EDEM3: variants seen among roughly 807,000 people sequenced by gnomAD.
EDEM3 encodes the protein ER degradation enhancing alpha-mannosidase like protein 3, also known as ER degradation-enhancing alpha-mannosidase-like protein 3.
Under a neutral mutation model 110.2 loss-of-function variants are expected in EDEM3, and 60 were observed. That is an observed-to-expected ratio of 0.54 (90% CI 0.44 to 0.67). The LOEUF is 0.67. Ranked by LOEUF, EDEM3 falls within the 30% of genes least tolerant of loss-of-function variation. The pLI, the probability that EDEM3 is intolerant of heterozygous loss-of-function variation, is 0.00. For synonymous variants in EDEM3, 352 were observed against 382.9 expected, an observed-to-expected ratio of 0.92 and a Z score of 0.94; for missense variants, 996 against 1,121.0, an observed-to-expected ratio of 0.89 and a Z score of 1.59.
chr1:184,726,533 CT>C, intron 6 of EDEM3, 144 bp from the exon 7 acceptor site: 1 of 907,248 alleles, frequency 1.1e-6, no homozygotes, highest in Non-Finnish European at 1.6e-6. Context: ...CTGATGATCT[CT>C]GACTTTCCAA....
At position 184,694,096 on chromosome 1, in the gene EDEM3, T is replaced by G; in HGVS notation, c.2766A>C (p.Glu922Asp). 6.2e-7 allele frequency: 1 copy of G among 1,613,080 alleles called. No individual in the cohort carries two copies. Residue 922 changes from glutamate (E) to aspartate (D), a missense_variant, in exon 20 of 20, where the codon GAA becomes GAC. Coordinates refer to ENST00000318130, the MANE Select transcript of EDEM3 (RefSeq NM_025191.4). ...SILADWNEDI[E>D]AFEMMEKDEL is the part of the protein sequence containing the mutation. Reference sequence around the variant, plus strand: ...CATCCTTCTCCATCATTTCAAATGCTTCTATATCTTCATTCCAGTCTGCTA... The same window carrying G: ...CATCCTTCTCCATCATTTCAAATGCGTCTATATCTTCATTCCAGTCTGCTA...
Position 184,723,865 on chromosome 1 carries a change from TAAAAAAAAA to T in EDEM3, c.748-18_748-10del, listed in dbSNP as rs71101940. 3.7e-6 allele frequency: 4 copies of T among 1,090,564 alleles called. No homozygotes were observed. The highest frequency in any genetic ancestry group is 6.6e-5 in the East Asian group (2 of 30,378). 67.6% of individuals were successfully genotyped at this position (1,090,564 alleles called of 1,614,324 possible). The stretch of plus-strand genomic sequence containing the variant: ...GCTTTTCTGGCATATTCCTGTAATT[TAAAAAAAAA>T]AAAAAAAAAAAGAAGTGCATATTTG... On this transcript the variant is annotated splice_polypyrimidine_tract_variant and intron_variant, in intron 7 of 19. Coordinates refer to ENST00000318130, the MANE Select transcript of EDEM3 (RefSeq NM_025191.4).
At chr1:184,730,491 G>A (rs1258950796) in intron 6 of EDEM3, among the ~76,000 whole-genome samples, 2 of 152,170 alleles carry the variant, frequency 1.3e-5, no homozygotes, top group Admixed American at 6.5e-5. Context: ...GGAGGCTGAG[G>A]TGGGAGGATC....
At chr1:184,725,627 T>C (rs1417031254) in intron 7 of EDEM3, among the ~76,000 whole-genome samples, 4 of 151,744 alleles carry the variant, frequency 2.6e-5, no homozygotes, top group African/African-American at 7.3e-5. Context: ...CTGTTTGCCA[T>C]TTGTTGAATT....
rs1652633620 is a variant in EDEM3, at chr1:184,749,553, G to A, written c.198C>T (p.Asn66=). 1 of 1,550,668 alleles carries A rather than the reference G, an allele frequency of 6.4e-7. No individual in the cohort carries two copies. The highest frequency in any genetic ancestry group is 1.9e-5 in the Admixed American group (1 of 51,780). ...AGATAAGCTTCCTACTTACCATATA[G>A]TTACCATAAGCATGATCAAACATTT... ...VLEMFDHAYG[N]YMEHAYPADE... Residue 66 remains asparagine, a synonymous_variant, in exon 2 of 20, where the codon AAC becomes AAT. Transcript: ENST00000318130.
In EDEM3 at chr1:184,693,056, C is replaced by T. The variant is rs752681314; in HGVS notation, c.*1007G>A. 3.6e-4 allele frequency: 56 copies of T among 154,740 alleles called. 1 individual carries two copies. Among genetic ancestry groups the T allele is most frequent in the Non-Finnish European group, 6.5e-4 (44 of 68,180 alleles). 9.6% of individuals were successfully genotyped at this position (154,740 alleles called of 1,614,324 possible). A position where few individuals can be genotyped will look rare whatever the true frequency, so the allele number is the denominator to read the frequency against. Reference sequence around the variant, plus strand: ...CTCACTAACCACAGTTCTATCATGGCTCTGTAAGACAGAAAAATGGAACAA... The same window carrying T: ...CTCACTAACCACAGTTCTATCATGGTTCTGTAAGACAGAAAAATGGAACAA... On this transcript the variant is annotated 3_prime_UTR_variant, in exon 20 of 20. Coordinates refer to ENST00000318130, the MANE Select transcript of EDEM3 (RefSeq NM_025191.4).
At chr1:184,710,314 A>C in intron 16 of EDEM3, 80 bp downstream of exon 16, 2 of 1,489,010 alleles carry the variant, frequency 1.3e-6, no homozygotes, top group Non-Finnish European at 1.8e-6. Flanking sequence ...AGAAAGTTGA[A>C]ATCCATTATC....
intron 2 of EDEM3, 33 bp downstream of exon 2, chr1:184,749,514 T>C (rs1652630567): frequency 6.8e-7 from 1 of 1,472,050 alleles, no homozygotes; most frequent in African/African-American, 1.4e-5. Flanking sequence ...TCAACTCACA[T>C]AAATGGTAGG....
intron 5 of EDEM3, among the ~76,000 whole-genome samples, chr1:184,734,276 C>A (rs1162276864): frequency 6.6e-6 from 1 of 152,142 alleles, no homozygotes; most frequent in African/African-American, 2.4e-5. Flanking sequence ...CGGGACCAGC[C>A]TGGCCATCAT....
chr1:184,698,540 T>C (rs1351126070), intron 19 of EDEM3, among the ~76,000 whole-genome samples: 1 of 151,888 alleles, frequency 6.6e-6, no homozygotes, highest in Admixed American at 6.6e-5. Flanking sequence ...TACATATATT[T>C]AGAAATGTAT....
chr1:184,717,515 A>T (rs1650617435), intron 12 of EDEM3, 25 bp downstream of exon 12: 4 of 1,581,810 alleles, frequency 2.5e-6, no homozygotes, highest in Non-Finnish European at 2.6e-6. Flanking sequence ...CTAAACTTTA[A>T]GTAAAATGGG....
At chr1:184,697,277 T>TG (rs1422207560) in intron 19 of EDEM3, among the ~76,000 whole-genome samples, 7 of 151,872 alleles carry the variant, frequency 4.6e-5, no homozygotes, top group African/African-American at 1.7e-4. Flanking sequence ...GTCTTAATAT[T>TG]TAACATTTTC....
At chr1:184,753,561 CA>C (rs766231568) in intron 1 of EDEM3, among the ~76,000 whole-genome samples, 1 of 152,028 alleles carries the variant, frequency 6.6e-6, no homozygotes, top group Non-Finnish European at 1.5e-5. Flanking sequence ...TAGATACTAC[CA>C]ATAAGTTACA....
chr1:184,720,136 G>A (rs1486304522), intron 9 of EDEM3, among the ~76,000 whole-genome samples: 2 of 152,108 alleles, frequency 1.3e-5, no homozygotes, highest in Non-Finnish European at 2.9e-5. Context: ...ACAAAAGGTT[G>A]AGTTGTGATA....
intron 12 of EDEM3, 36 bp downstream of exon 12, chr1:184,717,504 G>A (rs1558053012): frequency 2.6e-6 from 4 of 1,545,856 alleles, no homozygotes; most frequent in Non-Finnish European, 3.5e-6. Flanking sequence ...GAGAATGGAG[G>A]CTAAACTTTA....
At chr1:184,747,905 G>A (rs1405929301) in intron 2 of EDEM3, among the ~76,000 whole-genome samples, 1 of 152,186 alleles carries the variant, frequency 6.6e-6, no homozygotes, top group Admixed American at 6.5e-5. Flanking sequence ...TTTATAAAGA[G>A]ATGATCCTAT....
chr1:184,749,757 C>G (rs1288778767), intron 1 of EDEM3, among the ~76,000 whole-genome samples, 165 bp from the exon 2 acceptor site: 1 of 151,926 alleles, frequency 6.6e-6, no homozygotes, highest in Non-Finnish European at 1.5e-5. Context: ...ACTACAACAG[C>G]TAGCAGACAA....
intron 6 of EDEM3, 64 bp from the exon 7 acceptor site, chr1:184,726,453 A>G (rs1651199809): frequency 1.3e-6 from 2 of 1,512,308 alleles, no homozygotes; most frequent in African/African-American, 1.4e-5. Flanking sequence ...ATAAGAAACT[A>G]CTTTTCAATC....
At position 184,723,807 on chromosome 1, in the gene EDEM3, C is replaced by G. The variant is rs1330406712; in HGVS notation, c.797G>C (p.Ser266Thr). Residue 266 changes from serine to threonine, a missense_variant, in exon 8 of 20, where the codon AGT becomes ACT. Physicochemically the swap from Ser to Thr is moderately conservative, Grantham distance 58 (BLOSUM62 1). Transcript: ENST00000318130. The part of the protein sequence containing the change: ...LDFLWEKRQR[S>T]SNLVGVTINI... The stretch of plus-strand genomic sequence containing the variant: ...TATAGTCACGCCCACTAAATTACTA[C>G]TTCGCTGTCTTTTTTCCCAGAGAAA... 2 of 1,589,230 alleles carry G rather than the reference C, an allele frequency of 1.3e-6. No homozygotes were observed. Among genetic ancestry groups the G allele is most frequent in the East Asian group, 4.6e-5 (2 of 43,562 alleles).
Sources: allele counts gnomAD v4.1 joint callset (sites outside exome capture counted in the v4.1 genomes callset), GRCh38; gene constraint gnomAD v4.1.1; transcripts MANE v1.5; gene names NCBI Gene and HGNC (gene_info 2026-07-23, HGNC 2026-07-21).